Variants in PDE7B observed in about 807,000 individuals in gnomAD.
PDE7B encodes the protein phosphodiesterase 7B.
Under a neutral mutation model 56.2 loss-of-function variants are expected in PDE7B, and 29 were observed. The observed-to-expected ratio is 0.52, with a 90% CI of 0.38 to 0.70. PDE7B has a LOEUF of 0.70. Ranked by LOEUF, PDE7B falls within the 30% of genes least tolerant of loss-of-function variation. The pLI, the probability that PDE7B is intolerant of heterozygous loss-of-function variation, is 0.00. For missense variants in PDE7B, 490 were observed against 565.0 expected (o/e 0.87, Z 1.35); for synonymous variants, 197 against 196.9 (o/e 1.00, Z 0.00).
chr6:136,159,316 T>C (rs1359370396), intron 8 of PDE7B, among the ~76,000 whole-genome samples: 1 of 152,218 alleles, frequency 6.6e-6, no homozygotes, highest in African/African-American at 2.4e-5. Context: ...AAGGTGTTTT[T>C]GGAAAGTAGT....
intron 2 of PDE7B, among the ~76,000 whole-genome samples, chr6:135,995,911 A>G (rs1304880609): frequency 6.6e-6 from 1 of 152,060 alleles, no homozygotes; most frequent in Non-Finnish European, 1.5e-5. Flanking sequence ...ATTGTTTTAT[A>G]ATTTAATTGT....
intron 1 of PDE7B, among the ~76,000 whole-genome samples, chr6:135,913,046 A>G (rs1417024353): frequency 6.6e-6 from 1 of 152,164 alleles, no homozygotes; most frequent in Non-Finnish European, 1.5e-5. Flanking sequence ...TCTAAATCCC[A>G]TTCTCTTTGC....
At chr6:135,927,912 G>A (rs977767340) in intron 1 of PDE7B, among the ~76,000 whole-genome samples, 6 of 152,060 alleles carry the variant, frequency 3.9e-5, no homozygotes, top group Non-Finnish European at 7.4e-5. Flanking sequence ...CTAGTACCCA[G>A]AATCTGTAAG....
intron 9 of PDE7B, among the ~76,000 whole-genome samples, chr6:136,177,889 G>A (rs896288379): frequency 3.5e-4 from 53 of 151,964 alleles, no homozygotes; most frequent in Non-Finnish European, 2.4e-4. Flanking sequence ...AAAGTAGAAT[G>A]GATAATGGAA....
intron 3 of PDE7B, among the ~76,000 whole-genome samples, chr6:136,141,134 C>T (rs1191077961): frequency 3.5e-4 from 53 of 152,196 alleles, no homozygotes; most frequent in Non-Finnish European, 5.9e-4. Flanking sequence ...TTTTGAGATA[C>T]GTCCCATCAG....
intron 2 of PDE7B, among the ~76,000 whole-genome samples, chr6:136,023,736 A>G (rs1776107829): frequency 6.6e-6 from 1 of 152,222 alleles, no homozygotes; most frequent in African/African-American, 2.4e-5. Flanking sequence ...AAAAAAATAA[A>G]TATCTATAGC....
intron 2 of PDE7B, among the ~76,000 whole-genome samples, chr6:136,067,947 G>A (rs941380050): frequency 6.6e-6 from 1 of 152,294 alleles, no homozygotes; most frequent in South Asian, 2.1e-4. Flanking sequence ...AGAAGAAACT[G>A]AATTTCTGGT....
chr6:136,029,151 T>A (rs1334276585), intron 2 of PDE7B, among the ~76,000 whole-genome samples: 2 of 152,238 alleles, frequency 1.3e-5, no homozygotes, highest in African/African-American at 4.8e-5. Context: ...GAAAATGACA[T>A]GATTATAAAT....
chr6:136,149,168 AT>A lies in PDE7B; in HGVS notation c.382+20del. On this transcript the variant is annotated intron_variant, in intron 5 of 12. Transcript: ENST00000308191. ...GACAAATGGTAAGTTACCCAAAAGAATTCTCACTAAAATATACACCATAAAG... is the reference window on the plus strand; with the variant it reads ...GACAAATGGTAAGTTACCCAAAAGAATCTCACTAAAATATACACCATAAAG... 1.3e-6 allele frequency: 2 copies of A among 1,542,732 alleles called. No homozygotes were observed. The highest frequency in any genetic ancestry group is 1.8e-6 in the Non-Finnish European group (2 of 1,114,970).
intron 3 of PDE7B, 89 bp downstream of exon 3, chr6:136,108,903 T>C: frequency 1.2e-6 from 1 of 837,860 alleles, no homozygotes; most frequent in Non-Finnish European, 2.1e-6. Flanking sequence ...CTTCGAAACC[T>C]TCTGGGGTCT....
At position 135,906,427 on chromosome 6, in the gene PDE7B, A is replaced by G. The variant is rs889991256; in HGVS notation, c.22-41037A>G. On this transcript the variant is annotated intron_variant, in intron 1 of 12. Transcript: ENST00000308191. ...TTGTCCTACTGTTTGATATTTAGCTATTATCCCATCAGTCGAGGTCTCAGT... is the reference window on the plus strand; with the variant it reads ...TTGTCCTACTGTTTGATATTTAGCTGTTATCCCATCAGTCGAGGTCTCAGT... Among the ~76,000 whole-genome samples, 3 of 152,254 alleles carry G rather than the reference A, an allele frequency of 2.0e-5. No homozygotes were observed. In the East Asian group the frequency reaches 5.8e-4, roughly 29 times the overall value.
At chr6:136,068,491 C>T (rs1328407581) in intron 2 of PDE7B, among the ~76,000 whole-genome samples, 1 of 135,600 alleles carries the variant, frequency 7.4e-6, no homozygotes, top group African/African-American at 2.8e-5. Context: ...AGTGCAGTGG[C>T]GCGATCTCGG....
At chr6:135,887,514 G>C (rs1775731049) in intron 1 of PDE7B, among the ~76,000 whole-genome samples, 1 of 152,134 alleles carries the variant, frequency 6.6e-6, no homozygotes, top group African/African-American at 2.4e-5. Context: ...ACTAAGTAAT[G>C]ATGGTGAACC....
At chr6:136,067,518 A>G (rs554117102) in intron 2 of PDE7B, among the ~76,000 whole-genome samples, 1 of 152,218 alleles carries the variant, frequency 6.6e-6, no homozygotes, top group Non-Finnish European at 1.5e-5. Flanking sequence ...CTAAAACTAC[A>G]TAGGACATTC....
In PDE7B at chr6:136,191,013, C is replaced by CTTTTT. The variant is rs752187218; in HGVS notation, c.1127-581_1127-577dup. Among the ~76,000 whole-genome samples the CTTTTT allele has an allele frequency of 5.6e-3, 551 of 99,230 alleles. 43 individuals carry two copies. Among genetic ancestry groups the CTTTTT allele is most frequent in the African/African-American group, 0.038 (426 of 11,086 alleles). The allele number at this position is 99,230 out of a possible 152,430, so 65.1% of individuals were successfully genotyped here. On this transcript the variant is annotated intron_variant, in intron 12 of 12. Transcript: ENST00000308191. The stretch of plus-strand genomic sequence containing the variant: ...CTGCCTTCTTTAGCTCCAGCATACA[C>CTTTTT]TTTTTTTTTTTTTTTTTTTTTTTTA...
chr6:136,013,656 G>A (rs565875320), intron 2 of PDE7B, among the ~76,000 whole-genome samples: 1 of 152,316 alleles, frequency 6.6e-6, no homozygotes, highest in Admixed American at 6.5e-5. Flanking sequence ...CCTGGTGAAG[G>A]AGTGTTCCAG....
chr6:135,862,784 C>A (rs1032327582), intron 1 of PDE7B, among the ~76,000 whole-genome samples: 3 of 151,530 alleles, frequency 2.0e-5, no homozygotes, highest in East Asian at 1.9e-4. Flanking sequence ...TTCAGTGTTT[C>A]TTCTTTTTGA....
At chr6:135,932,558 G>A (rs1774312689) in intron 1 of PDE7B, among the ~76,000 whole-genome samples, 1 of 152,160 alleles carries the variant, frequency 6.6e-6, no homozygotes, top group African/African-American at 2.4e-5. Flanking sequence ...TTTAAAAAAT[G>A]GAGAAAGAGA....
intron 1 of PDE7B, among the ~76,000 whole-genome samples, chr6:135,869,654 G>C (rs898015394): frequency 1.3e-5 from 2 of 152,152 alleles, no homozygotes; most frequent in African/African-American, 4.8e-5. Flanking sequence ...CTAAATCTAC[G>C]AAGAAAGTAA....
Sources: gnomAD v4.1 joint callset for allele counts (sites outside exome capture counted in the v4.1 genomes callset) on GRCh38, gnomAD v4.1.1 for gene constraint, MANE v1.5 for transcripts, NCBI Gene and HGNC (gene_info 2026-07-23, HGNC 2026-07-21) for gene names.